TET1: variants seen among roughly 807,000 people sequenced by gnomAD.
The protein encoded by TET1 is methylcytosine dioxygenase TET1.
In TET1, 13 loss-of-function variants were observed where a neutral mutation model predicts 148.7. The ratio of observed to expected loss-of-function variants is 0.09; its 90% CI spans 0.06 to 0.14. The LOEUF (loss-of-function observed/expected upper bound fraction) is 0.14, where lower values mean the gene tolerates loss of function less well. TET1 is among the 10% of genes least tolerant of loss of function. The pLI, the probability that TET1 is intolerant of heterozygous loss-of-function variation, is 1.00. For missense variants in TET1, 2,182 were observed against 2,553.8 expected (o/e 0.85, Z 3.14); for synonymous variants, 907 against 937.2 (o/e 0.97, Z 0.59).
intron 8 of TET1, chr10:68,674,847 C>T: frequency 2.3e-6 from 1 of 435,276 alleles, no homozygotes; most frequent in Admixed American, 3.0e-5. Context: ...GAGGTGCAGA[C>T]AAATTACTTG....
At chr10:68,680,865 T>C (rs1458489880) in intron 8 of TET1, among the ~76,000 whole-genome samples, 1 of 152,250 alleles carries the variant, frequency 6.6e-6, no homozygotes, top group Non-Finnish European at 1.5e-5. Context: ...ACCTTGCTCT[T>C]TCGTAGAGAT....
At chr10:68,588,895 A>G (rs61868093) in intron 2 of TET1, among the ~76,000 whole-genome samples, 90,893 of 150,910 alleles carry the variant, frequency 0.6, 27,445 homozygotes, top group Middle Eastern at 0.68. Context: ...GCTGAGGCAG[A>G]AGGATCCCTT....
intron 11 of TET1, among the ~76,000 whole-genome samples, chr10:68,686,980 T>C (rs894897494): frequency 6.6e-6 from 1 of 151,636 alleles, no homozygotes; most frequent in Non-Finnish European, 1.5e-5. Context: ...CTCTGCCTCC[T>C]GGGTTCACGC....
chr10:68,623,276 A>T (rs2054402455), intron 3 of TET1, among the ~76,000 whole-genome samples: 1 of 152,036 alleles, frequency 6.6e-6, no homozygotes, highest in Non-Finnish European at 1.5e-5. Flanking sequence ...TTTTTCTCCC[A>T]TTTCTTTGTT....
intron 3 of TET1, among the ~76,000 whole-genome samples, 156 bp from the exon 4 acceptor site, chr10:68,644,542 G>C (rs1054837475): frequency 6.6e-6 from 1 of 152,000 alleles, no homozygotes. Context: ...TGTCCTTTTG[G>C]TATTTTATGA....
chr10:68,666,758 GT>G, intron 6 of TET1, among the ~76,000 whole-genome samples: 1 of 152,188 alleles, frequency 6.6e-6, no homozygotes, highest in East Asian at 1.9e-4. Flanking sequence ...GTCCTACAGG[GT>G]TTTATCCCTT....
chr10:68,603,791 C>G (rs2054088269), intron 3 of TET1, among the ~76,000 whole-genome samples: 2 of 152,120 alleles, frequency 1.3e-5, no homozygotes, highest in Admixed American at 6.6e-5. Flanking sequence ...ACCAAAAGAA[C>G]ACTATTATCC....
At chr10:68,676,267 T>C (rs2055357991) in intron 8 of TET1, among the ~76,000 whole-genome samples, 1 of 15,132 alleles carries the variant, frequency 6.6e-5, no homozygotes, top group Non-Finnish European at 1.2e-4. Flanking sequence ...TATATATATA[T>C]ATTTTTTTTT....
intron 11 of TET1, 48 bp downstream of exon 11, chr10:68,686,755 A>G: frequency 6.6e-7 from 1 of 1,519,964 alleles, no homozygotes; most frequent in Non-Finnish European, 8.9e-7. Flanking sequence ...TGATGGATAG[A>G]TGTGTTTGGA....
rs1000157211 is a variant in TET1 at position 68,690,892 on chromosome 10, C to G, written c.5489C>G (p.Thr1830Ser). ...FILKSSDNTK[T>S]YSLMPSAPHP... is the part of the protein sequence containing the mutation. ...TTAAAAAGTTCAGACAACACTAAAA[C>G]TTATTCGCTGATGCCATCCGCTCCT... The change falls in exon 12 of 12, where the codon ACT becomes AGT. Residue 1830 changes from threonine (T) to serine (S), a missense_variant. Physicochemically the swap from Thr to Ser is moderately conservative, Grantham distance 58. This residue lies in a region of TET1 where 380 missense variants were observed against 387.9 expected (regional missense o/e 0.98). Transcript: ENST00000373644. The G allele has an allele frequency of 6.2e-7, 1 of 1,614,206 alleles. No homozygotes were observed. The highest frequency in any genetic ancestry group is 8.5e-7 in the Non-Finnish European group (1 of 1,180,044).
intron 2 of TET1, among the ~76,000 whole-genome samples, chr10:68,578,623 C>T (rs1011462488): frequency 9.2e-5 from 14 of 151,978 alleles, no homozygotes; most frequent in African/African-American, 1.5e-4. Flanking sequence ...AAGTTTTTAA[C>T]GAGTCCTGAT....
At chr10:68,571,949 T>A (rs1590158234) in intron 1 of TET1, among the ~76,000 whole-genome samples, 3 of 152,038 alleles carry the variant, frequency 2.0e-5, no homozygotes, top group Non-Finnish European at 1.5e-5. Context: ...AAAACATGTC[T>A]CTACAAAAAA....
Position 68,573,841 on chromosome 10 carries a change from G to A in TET1, c.1503G>A (p.Lys501=). The A allele has an allele frequency of 6.2e-7, 1 of 1,614,090 alleles. No homozygotes were observed. Among genetic ancestry groups the A allele is most frequent in the South Asian group, 1.1e-5 (1 of 91,090 alleles). ...VMAISNVENE[K]QVHISFLPAN... ...CTATAAGCAATGTAGAAAATGAGAA[G>A]CAGGTTCATATAAGCTTCCTGCCAG... is the stretch of plus-strand genomic sequence containing the variant. Residue 501 remains lysine, a synonymous_variant, in exon 2 of 12, where the codon AAG becomes AAA. Transcript: ENST00000373644.
chr10:68,654,208 T>TAGGCAGA (rs2054986386), intron 6 of TET1, among the ~76,000 whole-genome samples: 1 of 148,950 alleles, frequency 6.7e-6, no homozygotes, highest in Admixed American at 6.7e-5. Context: ...AAGAGCTAAG[T>TAGGCAGA]AGGCAGAGGA....
chr10:68,678,715 ACCC>A, intron 8 of TET1, among the ~76,000 whole-genome samples: 1 of 151,782 alleles, frequency 6.6e-6, no homozygotes, highest in African/African-American at 2.4e-5. Context: ...GCACCACTGC[ACCC>A]CCCCACACAC....
chr10:68,647,036 C>T (rs2054861039), intron 4 of TET1, 31 bp downstream of exon 4: 6 of 1,561,296 alleles, frequency 3.8e-6, no homozygotes, highest in Non-Finnish European at 5.2e-6. Context: ...GTTCTTATTT[C>T]ACCTGCACAA....
intron 8 of TET1, chr10:68,674,972 G>T: frequency 2.6e-6 from 1 of 380,750 alleles, no homozygotes; most frequent in Non-Finnish European, 4.9e-6. Flanking sequence ...TGCTGAAGAA[G>T]CCTAGCTTTG....
intron 1 of TET1, among the ~76,000 whole-genome samples, chr10:68,567,121 C>G (rs2053615994): frequency 6.6e-6 from 1 of 152,170 alleles, no homozygotes; most frequent in Non-Finnish European, 1.5e-5. Context: ...CCCATGTCCC[C>G]TGACACTCAA....
At chr10:68,599,372 G>A (rs1235637960) in intron 2 of TET1, among the ~76,000 whole-genome samples, 3 of 152,190 alleles carry the variant, frequency 2.0e-5, no homozygotes, top group Non-Finnish European at 4.4e-5. Context: ...GACTGTGACC[G>A]CCCTCTACAC....
Sources: gnomAD v4.1 joint callset for allele counts (sites outside exome capture counted in the v4.1 genomes callset) on GRCh38, gnomAD v4.1.1 for gene constraint, gnomAD v4.1.1 regional missense constraint, MANE v1.5 for transcripts, NCBI Gene and HGNC (gene_info 2026-07-23, HGNC 2026-07-21) for gene names.